NEBL: variants seen among roughly 807,000 people sequenced by gnomAD.
NEBL encodes the protein LIM and SH3 protein 2.
In NEBL, 122 loss-of-function variants were observed where a neutral mutation model predicts 140.2. That is an observed-to-expected ratio of 0.87 (90% confidence interval 0.75 to 1.01). NEBL has a LOEUF of 1.01. NEBL is among the 50% of genes least tolerant of loss of function. The pLI, the probability that NEBL is intolerant of heterozygous loss-of-function variation, is 0.00. For missense variants in NEBL, 1,365 were observed against 1,231.3 expected, an observed-to-expected ratio of 1.11 and a Z score of -1.62; for synonymous variants, 436 against 398.9, an observed-to-expected ratio of 1.09 and a Z score of -1.11.
Position 21,173,948 on chromosome 10 carries a change from G to C in NEBL, c.-115C>G, listed in dbSNP as rs1031952552. On this transcript the variant is annotated 5_prime_UTR_variant, in exon 1 of 7. Coordinates refer to the NEBL transcript ENST00000417816. This position sits in a 1 kb window ranked among gnomAD's most constrained non-coding sequence, Gnocchi z 5.7. ...GGCAGGCGGGAGGGCTGCGGGCGGC[G>C]GGCGCCGGGTAGGGAGTCGGCGCCG... 1.4e-6 allele frequency: 2 copies of C among 1,386,898 alleles called. No homozygotes were observed. Among genetic ancestry groups the C allele is most frequent in the African/African-American group, 1.5e-5 (1 of 64,944 alleles). The allele number at this position is 1,386,898 out of a possible 1,614,324, so 85.9% of individuals were successfully genotyped here.
intron 3 of NEBL, among the ~76,000 whole-genome samples, chr10:21,004,707 G>A (rs761057881): frequency 4.0e-5 from 6 of 149,334 alleles, no homozygotes; most frequent in Admixed American, 6.6e-5. Flanking sequence ...GGCACAAAGC[G>A]AGACTCATCT....
intron 21 of NEBL, among the ~76,000 whole-genome samples, chr10:20,815,979 G>T (rs1838685230): frequency 6.6e-6 from 1 of 151,850 alleles, no homozygotes; most frequent in Admixed American, 6.6e-5. Context: ...TGTTGTCCAA[G>T]CTGACCTGAA....
At chr10:20,806,425 G>A (rs1406000038) in intron 26 of NEBL, among the ~76,000 whole-genome samples, 1 of 152,134 alleles carries the variant, frequency 6.6e-6, no homozygotes, top group Non-Finnish European at 1.5e-5. Context: ...TCCAATGCAT[G>A]CGTCTGTCCT....
At chr10:21,052,327 C>A (rs1834813353) in intron 2 of NEBL, among the ~76,000 whole-genome samples, 1 of 152,200 alleles carries the variant, frequency 6.6e-6, no homozygotes, top group Non-Finnish European at 1.5e-5. Flanking sequence ...TGACACAGGT[C>A]AAGTCTGCAT....
intron 4 of NEBL, among the ~76,000 whole-genome samples, chr10:20,957,674 T>C (rs1369918783): frequency 6.6e-6 from 1 of 152,086 alleles, no homozygotes; most frequent in Non-Finnish European, 1.5e-5. Flanking sequence ...AAAACTATTT[T>C]CTCCATTTGT....
chr10:21,092,226 C>T (rs778922604), intron 2 of NEBL, among the ~76,000 whole-genome samples: 6 of 152,028 alleles, frequency 3.9e-5, no homozygotes, highest in Non-Finnish European at 8.8e-5. Flanking sequence ...TACGGGTGTG[C>T]CATTCATTCA....
At chr10:20,959,546 A>G (rs573327876) in intron 4 of NEBL, among the ~76,000 whole-genome samples, 54 of 152,278 alleles carry the variant, frequency 3.5e-4, no homozygotes, top group African/African-American at 1.2e-3. Context: ...TAATATGGAA[A>G]ACCTAGTGAG....
At chr10:21,045,221 A>T (rs555960633) in intron 2 of NEBL, among the ~76,000 whole-genome samples, 2 of 152,338 alleles carry the variant, frequency 1.3e-5, no homozygotes, top group African/African-American at 4.8e-5. Flanking sequence ...ACTAAAGTAA[A>T]TTAATAGAAT....
intron 3 of NEBL, among the ~76,000 whole-genome samples, chr10:20,988,641 C>T (rs547565191): frequency 3.1e-4 from 47 of 152,312 alleles, no homozygotes; most frequent in Middle Eastern, 3.4e-3. Flanking sequence ...TACACACATA[C>T]TGTGTCACCT....
At chr10:21,018,547 T>C (rs1367444980) in intron 3 of NEBL, among the ~76,000 whole-genome samples, 1 of 152,068 alleles carries the variant, frequency 6.6e-6, no homozygotes, top group African/African-American at 2.4e-5. Flanking sequence ...CTCCCAACCA[T>C]CTATTCATGG....
At chr10:21,178,441 A>G (rs1488868310), upstream of NEBL, among the ~76,000 whole-genome samples, 12 of 152,228 alleles carry the variant, frequency 7.9e-5, no homozygotes, top group Admixed American at 7.9e-4. Context: ...ATGGAAGAAC[A>G]GAGGAGAAAT....
At chr10:21,106,301 A>G (rs955959996) in intron 2 of NEBL, among the ~76,000 whole-genome samples, 32 of 152,268 alleles carry the variant, frequency 2.1e-4, no homozygotes, top group Non-Finnish European at 3.8e-4. Context: ...GTTTTCTTCT[A>G]GGATTTTTAT....
At chr10:21,129,835 G>A (rs1445195675) in intron 2 of NEBL, among the ~76,000 whole-genome samples, 2 of 151,872 alleles carry the variant, frequency 1.3e-5, no homozygotes, top group African/African-American at 4.8e-5. Flanking sequence ...ACAGAGAAAC[G>A]AAAGAACAAG....
At chr10:20,968,040 T>C (rs1016015177) in intron 3 of NEBL, among the ~76,000 whole-genome samples, 3 of 152,150 alleles carry the variant, frequency 2.0e-5, no homozygotes, top group Non-Finnish European at 2.9e-5. Flanking sequence ...TTTTCGTAAA[T>C]GGCAGGTGAG....
intron 1 of NEBL, among the ~76,000 whole-genome samples, chr10:21,285,167 A>G (rs984733360): frequency 1.3e-5 from 2 of 152,256 alleles, no homozygotes; most frequent in African/African-American, 2.4e-5. Context: ...TTCGAAGGAC[A>G]GATTCATGGT....
intron 1 of NEBL, among the ~76,000 whole-genome samples, chr10:21,285,168 G>A (rs1036442906): frequency 6.6e-6 from 1 of 152,240 alleles, no homozygotes; most frequent in African/African-American, 2.4e-5. Context: ...TCGAAGGACA[G>A]ATTCATGGTT....
chr10:20,940,156 C>A (rs1382852012), intron 4 of NEBL, among the ~76,000 whole-genome samples: 1 of 152,138 alleles, frequency 6.6e-6, no homozygotes, highest in Admixed American at 6.5e-5. Context: ...CACACCACAC[C>A]TATTCCAAAA....
chr10:21,278,468 T>C (rs528050412), intron 1 of NEBL, among the ~76,000 whole-genome samples: 3 of 152,224 alleles, frequency 2.0e-5, no homozygotes, highest in African/African-American at 7.2e-5. Context: ...TAAACTGGTG[T>C]GGGGCTGTTC....
At chr10:20,855,869 T>G (rs1843026164) in intron 9 of NEBL, among the ~76,000 whole-genome samples, 1 of 152,186 alleles carries the variant, frequency 6.6e-6, no homozygotes, top group South Asian at 2.1e-4. Context: ...GACAAATGGA[T>G]AATTTTGGCA....
Sources: allele counts gnomAD v4.1 joint callset (sites outside exome capture counted in the v4.1 genomes callset), GRCh38; gene constraint gnomAD v4.1.1; non-coding constraint Gnocchi (gnomAD v3.1); transcripts MANE v1.5; gene names NCBI Gene and HGNC (gene_info 2026-07-23, HGNC 2026-07-21).